The following NREP variants were observed in gnomAD, a reference collection of about 807,000 sequenced individuals.
NREP encodes neuronal regeneration-related protein.
NREP carries 5 observed loss-of-function variants against 8.6 expected under a neutral mutation model. The observed-to-expected ratio is 0.58, with a 90% CI of 0.30 to 1.22. The LOEUF (loss-of-function observed/expected upper bound fraction) is 1.22. Ranked by LOEUF, NREP falls within the 50% of genes most tolerant of loss-of-function variation. The probability of loss-of-function intolerance (pLI) is 0.07; values close to 1 mark genes in which losing one functional copy is unlikely to be tolerated. For missense variants in NREP, 86 were observed against 82.5 expected, an observed-to-expected ratio of 1.04 and a Z score of -0.17; for synonymous variants, 27 against 28.0, an observed-to-expected ratio of 0.96 and a Z score of 0.11.
Position 111,976,277 on chromosome 5 carries a change from T to C in NREP, c.30+433A>G, listed in dbSNP as rs565996181. 2.6e-5 allele frequency among the ~76,000 whole-genome samples: 4 copies of C among 152,364 alleles called. No individual in the cohort carries two copies. In the East Asian group the frequency reaches 5.8e-4, roughly 22 times the overall value. On this transcript the variant is annotated intron_variant, in intron 1 of 3. Coordinates refer to the NREP transcript ENST00000395634. ...ATGATAGAAAAACTAATATTTGTTC[T>C]ATGGCATCTCTGACATTTTAAGAGG...
intron 2 of NREP, among the ~76,000 whole-genome samples, chr5:111,902,156 C>T (rs1322527858): frequency 1.3e-5 from 2 of 151,846 alleles, no homozygotes; most frequent in Admixed American, 6.6e-5. Flanking sequence ...TATTTTCAGC[C>T]AACTGATTTT....
chr5:111,869,978 G>A (rs1421536661), intron 2 of NREP, among the ~76,000 whole-genome samples: 1 of 152,156 alleles, frequency 6.6e-6, no homozygotes, highest in Non-Finnish European at 1.5e-5. Flanking sequence ...AAGAACTTCA[G>A]CATAGATAGT....
intron 2 of NREP, chr5:111,969,636 G>A (rs1756745805): frequency 6.6e-6 from 1 of 152,154 alleles, no homozygotes; most frequent in Non-Finnish European, 1.5e-5. Flanking sequence ...AATGTACAAT[G>A]GGTAAAATAA....
intron 2 of NREP, among the ~76,000 whole-genome samples, chr5:111,935,158 T>A (rs532909204): frequency 1.3e-5 from 2 of 152,232 alleles, no homozygotes; most frequent in South Asian, 2.1e-4. Flanking sequence ...TTTGATACAT[T>A]GCACTCAGAG....
At chr5:111,956,776 C>T (rs1294526457) in intron 2 of NREP, among the ~76,000 whole-genome samples, 1 of 151,862 alleles carries the variant, frequency 6.6e-6, no homozygotes, top group Non-Finnish European at 1.5e-5. Flanking sequence ...TCAGCCTGGC[C>T]AATGTGGCGA....
intron 2 of NREP, among the ~76,000 whole-genome samples, chr5:111,904,684 T>C (rs918091002): frequency 2.0e-5 from 3 of 152,104 alleles, no homozygotes; most frequent in African/African-American, 7.2e-5. Flanking sequence ...ATAATGAGTA[T>C]TTTGAATTAA....
intron 2 of NREP, among the ~76,000 whole-genome samples, chr5:111,748,194 C>T (rs573293408): frequency 2.6e-5 from 4 of 152,146 alleles, no homozygotes; most frequent in Non-Finnish European, 4.4e-5. Context: ...GAATGGAACA[C>T]AGAATTTTAG....
rs188891064 is a variant in NREP, at chr5:111,970,712, G to C, written c.135+4562C>G. Among the ~76,000 whole-genome samples, 867 of 149,718 alleles carry C rather than the reference G, an allele frequency of 5.8e-3. 2 individuals are homozygous for C. Among genetic ancestry groups the C allele is most frequent in the Non-Finnish European group, 8.1e-3 (550 of 67,776 alleles). On this transcript the variant is annotated intron_variant, in intron 2 of 3. Coordinates refer to the NREP transcript ENST00000395634. ...ATGGTGGCATGCGCCTGTAAGCCTA[G>C]CAACTCCAGTGGCTGAGGCAGGAGA...
At position 111,730,325 on chromosome 5, in the gene NREP, G is replaced by C. The variant is rs1418121423; in HGVS notation, c.*596C>G. 1 of 152,552 alleles carries C rather than the reference G, an allele frequency of 6.6e-6. No individual in the cohort carries two copies. Among genetic ancestry groups the C allele is most frequent in the African/African-American group, 2.4e-5 (1 of 41,420 alleles). The allele number at this position is 152,552 out of a possible 1,614,324, so 9.4% of individuals were successfully genotyped here. On this transcript the variant is annotated 3_prime_UTR_variant, in exon 4 of 4. Coordinates refer to ENST00000257435, the MANE Select transcript of NREP (RefSeq NM_004772.4). ...GGAAATAAAAAATAACTCCATCAGA[G>C]CTACCTCGCCAAGGAGCATGTTGAA...
chr5:111,925,235 G>A (rs1755352363), intron 2 of NREP, among the ~76,000 whole-genome samples: 1 of 146,380 alleles, frequency 6.8e-6, no homozygotes, highest in Admixed American at 6.9e-5. Flanking sequence ...CAGTTCTGCT[G>A]GAGCATTTGG....
chr5:111,902,577 G>A (rs894152599), intron 2 of NREP, among the ~76,000 whole-genome samples: 1 of 152,178 alleles, frequency 6.6e-6, no homozygotes, highest in Non-Finnish European at 1.5e-5. Flanking sequence ...GACTGTTCAA[G>A]AGCAAAGGTC....
chr5:111,773,106 A>G (rs1009613378), intron 2 of NREP, among the ~76,000 whole-genome samples: 26 of 152,290 alleles, frequency 1.7e-4, no homozygotes, highest in African/African-American at 6.0e-4. Flanking sequence ...GTCATAGTGC[A>G]TATAACTTTC....
At chr5:111,758,872 A>G (rs1168880332), upstream of NREP, among the ~76,000 whole-genome samples, 1 of 152,252 alleles carries the variant, frequency 6.6e-6, no homozygotes, top group Non-Finnish European at 1.5e-5. Context: ...TTAAAACTAC[A>G]AAGCCATTGC....
At chr5:111,828,682 TATTA>T (rs1360785212) in intron 2 of NREP, among the ~76,000 whole-genome samples, 1 of 152,200 alleles carries the variant, frequency 6.6e-6, no homozygotes, top group Non-Finnish European at 1.5e-5. Flanking sequence ...GTGGTGTTAT[TATTA>T]ATAATAATCT....
intron 2 of NREP, among the ~76,000 whole-genome samples, chr5:111,769,751 G>A (rs1400308660): frequency 1.3e-5 from 2 of 152,130 alleles, no homozygotes; most frequent in Non-Finnish European, 2.9e-5. Flanking sequence ...GAGAGTAAAG[G>A]GGGAAGTGCT....
intron 2 of NREP, among the ~76,000 whole-genome samples, chr5:111,741,824 TACACACAC>T (rs112980817): frequency 2.2e-3 from 160 of 73,488 alleles, no homozygotes; most frequent in African/African-American, 5.3e-3. Context: ...AACACACACA[TACACACAC>T]ACACACACAC....
At chr5:111,930,843 A>T (rs867266134) in intron 2 of NREP, among the ~76,000 whole-genome samples, 211 of 152,148 alleles carry the variant, frequency 1.4e-3, no homozygotes, top group African/African-American at 4.9e-3. Context: ...AGGAGTTAAG[A>T]CAGAAGCCAG....
intron 1 of NREP, among the ~76,000 whole-genome samples, chr5:111,756,904 C>T (rs1215661757): frequency 6.6e-6 from 1 of 152,186 alleles, no homozygotes; most frequent in African/African-American, 2.4e-5. Flanking sequence ...GAATTCATTT[C>T]TCCCTCCGAA....
intron 2 of NREP, among the ~76,000 whole-genome samples, chr5:111,835,551 A>C (rs1490903577): frequency 6.6e-6 from 1 of 152,050 alleles, no homozygotes; most frequent in Non-Finnish European, 1.5e-5. Context: ...AGGTAAAACT[A>C]AGTAGACAAA....
Sources: gnomAD v4.1 joint callset for allele counts (sites outside exome capture counted in the v4.1 genomes callset) on GRCh38, gnomAD v4.1.1 for gene constraint, MANE v1.5 for transcripts, NCBI Gene and HGNC (gene_info 2026-07-23, HGNC 2026-07-21) for gene names.